Variants in ADAM23 observed in about 807,000 individuals in gnomAD.
The protein encoded by ADAM23 is ADAM metallopeptidase domain 23.
In ADAM23, 33 loss-of-function variants were observed where a neutral mutation model predicts 120.1. The ratio of observed to expected loss-of-function variants is 0.27; its 90% confidence interval spans 0.21 to 0.37. The LOEUF (loss-of-function observed/expected upper bound fraction) is 0.37. Among genes scored for constraint, ADAM23 ranks in the 10% least tolerant of loss-of-function variants. ADAM23 has a pLI of 1.00. For missense variants in ADAM23, 862 were observed against 1,058.2 expected, an observed-to-expected ratio of 0.81 and a Z score of 2.57; for synonymous variants, 367 against 375.2, an observed-to-expected ratio of 0.98 and a Z score of 0.25.
intron 3 of ADAM23, 103 bp from the exon 4 acceptor site, chr2:206,530,781 TA>T (rs1192511801): frequency 1.9e-5 from 13 of 674,172 alleles, no homozygotes; most frequent in African/African-American, 3.7e-5. Context: ...GGACTGCAGC[TA>T]TTTCTGGTTT....
chr2:206,524,570 G>A (rs1288900840), intron 3 of ADAM23, among the ~76,000 whole-genome samples: 1 of 152,248 alleles, frequency 6.6e-6, no homozygotes, highest in African/African-American at 2.4e-5. Flanking sequence ...TGGACTCACA[G>A]TTCCACCTGG....
intron 3 of ADAM23, among the ~76,000 whole-genome samples, chr2:206,490,417 CTGTT>C (rs763256249): frequency 2.4e-4 from 37 of 152,254 alleles, no homozygotes; most frequent in Middle Eastern, 3.4e-3. Flanking sequence ...ATGGGTAAAA[CTGTT>C]TGTCCCTTAT....
chr2:206,551,556 G>A (rs1256732714), intron 9 of ADAM23, among the ~76,000 whole-genome samples: 1 of 152,126 alleles, frequency 6.6e-6, no homozygotes, highest in African/African-American at 2.4e-5. Context: ...AATTGAAATT[G>A]CTTTGGAATT....
rs1364893221 is a variant in ADAM23 at position 206,620,346 on chromosome 2, G to A, written c.*2719G>A. The stretch of plus-strand genomic sequence containing the variant: ...CCTATGCTCCAATGTTAAATTATTT[G>A]TGTATATGTAAAATACACAAGCTTT... On this transcript the variant is annotated 3_prime_UTR_variant, in exon 26 of 26. Transcript: ENST00000264377. 2 of 152,206 alleles carry A rather than the reference G, an allele frequency of 1.3e-5. No homozygotes were observed. The highest frequency in any genetic ancestry group is 4.2e-4 in the South Asian group (2 of 4,818). The allele number at this position is 152,206 out of a possible 1,614,324, so 9.4% of individuals were successfully genotyped here.
At chr2:206,492,778 C>T (rs1445434044) in intron 3 of ADAM23, among the ~76,000 whole-genome samples, 1 of 152,126 alleles carries the variant, frequency 6.6e-6, no homozygotes, top group Admixed American at 6.5e-5. Flanking sequence ...GAAAAGACCC[C>T]ACCTCTTCAT....
chr2:206,461,359 C>T (rs1695415551), intron 2 of ADAM23, among the ~76,000 whole-genome samples: 1 of 152,094 alleles, frequency 6.6e-6, no homozygotes, highest in Admixed American at 6.5e-5. Context: ...TCGCGTCTGG[C>T]TTGAAGTAGT....
intron 14 of ADAM23, among the ~76,000 whole-genome samples, chr2:206,566,406 A>C (rs889654642): frequency 3.3e-5 from 5 of 152,054 alleles, no homozygotes; most frequent in Non-Finnish European, 7.4e-5. Flanking sequence ...GTGGCCTGTC[A>C]CTCGCAAGTC....
intron 9 of ADAM23, among the ~76,000 whole-genome samples, chr2:206,553,281 A>T (rs1438186874): frequency 4.6e-5 from 7 of 152,062 alleles, no homozygotes; most frequent in East Asian, 1.9e-4. Context: ...AAAAAAAATT[A>T]AAAAATTAGC....
intron 2 of ADAM23, among the ~76,000 whole-genome samples, chr2:206,468,753 A>C (rs770251344): frequency 2.0e-5 from 3 of 152,196 alleles, no homozygotes; most frequent in Non-Finnish European, 4.4e-5. Flanking sequence ...GTATTAGTCC[A>C]TTCTCACATT....
At chr2:206,446,448 T>C (rs1409153800) in intron 2 of ADAM23, among the ~76,000 whole-genome samples, 3 of 152,206 alleles carry the variant, frequency 2.0e-5, no homozygotes, top group Non-Finnish European at 4.4e-5. Flanking sequence ...CAATTAACTG[T>C]CTAAACATCT....
At chr2:206,615,465 C>T (rs529234610) in intron 25 of ADAM23, among the ~76,000 whole-genome samples, 16 of 152,162 alleles carry the variant, frequency 1.1e-4, no homozygotes, top group Admixed American at 2.0e-4. Context: ...AAATTCAGAC[C>T]GTTCTCAACA....
chr2:206,554,185 T>G, intron 9 of ADAM23, among the ~76,000 whole-genome samples: 1 of 152,122 alleles, frequency 6.6e-6, no homozygotes, highest in East Asian at 1.9e-4. Flanking sequence ...CTGAAAAAAA[T>G]GCAGATATCT....
At chr2:206,600,826 T>C (rs1698626650) in intron 24 of ADAM23, among the ~76,000 whole-genome samples, 1 of 152,158 alleles carries the variant, frequency 6.6e-6, no homozygotes, top group Non-Finnish European at 1.5e-5. Flanking sequence ...AGAAATAAGA[T>C]CTCAAAGCAC....
At chr2:206,583,440 C>T (rs569246026) in intron 18 of ADAM23, among the ~76,000 whole-genome samples, 7 of 148,460 alleles carry the variant, frequency 4.7e-5, no homozygotes, top group South Asian at 2.1e-4. Flanking sequence ...GGCGAAAGAG[C>T]GAGACTCCGT....
intron 12 of ADAM23, 77 bp downstream of exon 12, chr2:206,561,289 G>T (rs1045302720): frequency 7.9e-7 from 1 of 1,264,950 alleles, no homozygotes; most frequent in Admixed American, 1.8e-5. Context: ...ATCCTTTCTC[G>T]TGCTTGTTTA....
chr2:206,617,405 A>G (rs576457642), intron 25 of ADAM23, among the ~76,000 whole-genome samples, 174 bp from the exon 26 acceptor site: 1 of 152,354 alleles, frequency 6.6e-6, no homozygotes, highest in African/African-American at 2.4e-5. Context: ...CAAAAACATT[A>G]GCTGTTCTGT....
At chr2:206,583,136 G>A (rs1328191378) in intron 18 of ADAM23, among the ~76,000 whole-genome samples, 3 of 152,068 alleles carry the variant, frequency 2.0e-5, no homozygotes, top group South Asian at 2.1e-4. Flanking sequence ...TTATTCCCTC[G>A]AATATGTTTT....
At chr2:206,448,187 C>T (rs969424346) in intron 2 of ADAM23, among the ~76,000 whole-genome samples, 3 of 152,160 alleles carry the variant, frequency 2.0e-5, no homozygotes, top group African/African-American at 7.2e-5. Context: ...AATAATTATG[C>T]CAGGTTAGTA....
At chr2:206,489,470 A>G (rs1200147553) in intron 3 of ADAM23, among the ~76,000 whole-genome samples, 1 of 152,102 alleles carries the variant, frequency 6.6e-6, no homozygotes, top group African/African-American at 2.4e-5. Context: ...CTATGTGAAC[A>G]TTGCTTTCCA....
Sources: gnomAD v4.1 joint callset for allele counts (sites outside exome capture counted in the v4.1 genomes callset) on GRCh38, gnomAD v4.1.1 for gene constraint, MANE v1.5 for transcripts, NCBI Gene and HGNC (gene_info 2026-07-23, HGNC 2026-07-21) for gene names.